CNTN5: variants seen among roughly 807,000 people sequenced by gnomAD.
The protein encoded by CNTN5 is contactin 5.
In CNTN5, 77 loss-of-function variants were observed where a neutral mutation model predicts 129.1. The ratio of observed to expected loss-of-function variants is 0.60; its 90% CI spans 0.50 to 0.72. The LOEUF (loss-of-function observed/expected upper bound fraction) is 0.72. Ranked by LOEUF, CNTN5 falls within the 30% of genes least tolerant of loss-of-function variation. CNTN5 has a pLI of 0.00. For synonymous variants in CNTN5, 509 were observed against 465.6 expected (o/e 1.09, Z -1.20); for missense variants, 1,478 against 1,328.8 (o/e 1.11, Z -1.75).
At chr11:99,996,136 C>T (rs1200682133) in intron 8 of CNTN5, among the ~76,000 whole-genome samples, 1 of 152,138 alleles carries the variant, frequency 6.6e-6, no homozygotes, top group Admixed American at 6.6e-5. Context: ...ATTGACACTG[C>T]CCATGCCCTT....
chr11:100,033,175 G>A (rs571610311), intron 9 of CNTN5, among the ~76,000 whole-genome samples: 12 of 152,110 alleles, frequency 7.9e-5, no homozygotes, highest in South Asian at 6.2e-4. Context: ...GAGCCCAGAC[G>A]TGCAGACTAC....
chr11:100,064,813 A>G (rs1943632369), intron 10 of CNTN5, among the ~76,000 whole-genome samples: 1 of 152,174 alleles, frequency 6.6e-6, no homozygotes, highest in Non-Finnish European at 1.5e-5. Flanking sequence ...AAATGACAAA[A>G]GAAATGCAGA....
chr11:99,792,559 G>GTGTGTA (rs1387691369), intron 3 of CNTN5, among the ~76,000 whole-genome samples: 2 of 117,630 alleles, frequency 1.7e-5, no homozygotes, highest in African/African-American at 6.5e-5. Context: ...GTGTGTGTGT[G>GTGTGTA]TGTGTGTGTG....
Position 99,845,132 on chromosome 11 carries a change from C to G in CNTN5, c.447C>G (p.Arg149=). 6.2e-7 allele frequency: 1 copy of G among 1,613,678 alleles called. No homozygotes were observed. The highest frequency in any genetic ancestry group is 1.3e-5 in the African/African-American group (1 of 75,004). Residue 149 remains arginine (R), a synonymous_variant, in exon 6 of 25, where the codon CGC becomes CGG. Transcript: ENST00000524871. Reference sequence around the variant, plus strand: ...AAATAGATCTGGAAAGTGATTATCGCTACAGTTTGATAGATGGCACCTTCA... The same window carrying G: ...AAATAGATCTGGAAAGTGATTATCGGTACAGTTTGATAGATGGCACCTTCA... ...GTEIDLESDY[R]YSLIDGTFII... is the part of the protein sequence containing the mutation.
At position 99,919,073 on chromosome 11, in the gene CNTN5, G is replaced by A. The variant is rs575869314; in HGVS notation, c.673+2924G>A. 1.1e-4 allele frequency among the ~76,000 whole-genome samples: 16 copies of A among 152,152 alleles called. No homozygotes were observed. The South Asian group carries it at 2.5e-3, about 24-fold the overall frequency. ...GCATTAAGGATAAAAACCCCTTCCT[G>A]CCTTTGTTTGGTGTGCTCTCATGAC... On this transcript the variant is annotated intron_variant, in intron 7 of 24. Transcript: ENST00000524871.
At chr11:100,014,730 C>G (rs546130596) in intron 9 of CNTN5, among the ~76,000 whole-genome samples, 1 of 152,236 alleles carries the variant, frequency 6.6e-6, no homozygotes, top group African/African-American at 2.4e-5. Flanking sequence ...GGACCTTATT[C>G]CTGGTTTCCA....
At chr11:100,110,541 G>A (rs538664754) in intron 13 of CNTN5, among the ~76,000 whole-genome samples, 13 of 152,012 alleles carry the variant, frequency 8.6e-5, no homozygotes, top group Admixed American at 5.2e-4. Flanking sequence ...TATAAAATGC[G>A]CTAGAAGAGA....
intron 8 of CNTN5, among the ~76,000 whole-genome samples, chr11:99,961,378 G>T (rs541805330): frequency 6.6e-6 from 1 of 152,098 alleles, no homozygotes; most frequent in Non-Finnish European, 1.5e-5. Context: ...TAATGAGAAT[G>T]CTGAAGGAGA....
chr11:99,911,807 G>A (rs1392240121), intron 6 of CNTN5, among the ~76,000 whole-genome samples: 2 of 151,080 alleles, frequency 1.3e-5, no homozygotes, highest in African/African-American at 2.4e-5. Context: ...CTATTACCAC[G>A]TGTTATCTTT....
intron 6 of CNTN5, among the ~76,000 whole-genome samples, chr11:99,886,893 CT>C (rs753929103): frequency 6.6e-6 from 1 of 151,778 alleles, no homozygotes. Flanking sequence ...GAGGAAACTT[CT>C]TTTTTTTAAA....
intron 2 of CNTN5, among the ~76,000 whole-genome samples, chr11:99,372,037 G>A (rs907766834): frequency 6.6e-6 from 1 of 152,140 alleles, no homozygotes; most frequent in Non-Finnish European, 1.5e-5. Flanking sequence ...TCCACATAAG[G>A]TAGACTAGAG....
At chr11:99,348,834 C>A (rs1320741127) in intron 2 of CNTN5, among the ~76,000 whole-genome samples, 2 of 152,180 alleles carry the variant, frequency 1.3e-5, no homozygotes, top group East Asian at 3.9e-4. Flanking sequence ...ATAAAACTCT[C>A]CCCTGCAATG....
intron 6 of CNTN5, among the ~76,000 whole-genome samples, chr11:99,914,810 A>G (rs1428955652): frequency 6.6e-6 from 1 of 152,062 alleles, no homozygotes; most frequent in Non-Finnish European, 1.5e-5. Flanking sequence ...GTGTTTAAGA[A>G]GATTTGGTTA....
chr11:99,555,124 T>G (rs1266611955), intron 2 of CNTN5, among the ~76,000 whole-genome samples: 1 of 152,058 alleles, frequency 6.6e-6, no homozygotes, highest in Non-Finnish European at 1.5e-5. Context: ...TTCTTTGACA[T>G]AACTATATTA....
intron 3 of CNTN5, among the ~76,000 whole-genome samples, chr11:99,557,766 A>G (rs1375482615): frequency 6.6e-6 from 1 of 151,702 alleles, no homozygotes; most frequent in Non-Finnish European, 1.5e-5. Context: ...GCTCCAAAAC[A>G]TTATTTGAAA....
intron 2 of CNTN5, among the ~76,000 whole-genome samples, chr11:99,426,124 T>C (rs1046817957): frequency 6.6e-6 from 1 of 152,232 alleles, no homozygotes; most frequent in African/African-American, 2.4e-5. Context: ...TATTTGACAA[T>C]GCTTCCTGTA....
intron 7 of CNTN5, among the ~76,000 whole-genome samples, chr11:99,951,598 C>T (rs926113250): frequency 1.3e-5 from 2 of 152,120 alleles, no homozygotes; most frequent in Non-Finnish European, 2.9e-5. Context: ...TTTAATATCC[C>T]TTATCTCTAA....
intron 3 of CNTN5, among the ~76,000 whole-genome samples, chr11:99,562,681 A>G (rs1170386875): frequency 6.6e-6 from 1 of 152,150 alleles, no homozygotes; most frequent in Non-Finnish European, 1.5e-5. Context: ...AATATTTAAA[A>G]ACATACTGGC....
chr11:100,179,008 A>T (rs986658482), intron 13 of CNTN5, among the ~76,000 whole-genome samples: 4 of 152,148 alleles, frequency 2.6e-5, no homozygotes, highest in African/African-American at 9.6e-5. Context: ...CTGTTTTGAT[A>T]CAGGAATACA....
Sources: gnomAD v4.1 joint callset for allele counts (sites outside exome capture counted in the v4.1 genomes callset) on GRCh38, gnomAD v4.1.1 for gene constraint, MANE v1.5 for transcripts, NCBI Gene and HGNC (gene_info 2026-07-23, HGNC 2026-07-21) for gene names.